GXYLT1: variants seen among roughly 807,000 people sequenced by gnomAD.
GXYLT1 encodes the protein glycosyltransferase 8 domain containing 3.
GXYLT1 carries 29 observed loss-of-function variants against 54.0 expected under a neutral mutation model. The ratio of observed to expected loss-of-function variants is 0.54; its 90% CI spans 0.40 to 0.73. The LOEUF (loss-of-function observed/expected upper bound fraction) is 0.73. Ranked by LOEUF, GXYLT1 falls within the 30% of genes least tolerant of loss-of-function variation. The probability of loss-of-function intolerance (pLI) is 0.00; values close to 1 mark genes in which losing one functional copy is unlikely to be tolerated. For missense variants in GXYLT1, 490 were observed against 553.4 expected, an observed-to-expected ratio of 0.89 and a Z score of 1.15; for synonymous variants, 176 against 204.1, an observed-to-expected ratio of 0.86 and a Z score of 1.17.
rs2065403359 is a variant in GXYLT1 at position 42,103,765 on chromosome 12, T to A, written c.864+2053A>T. On this transcript the variant is annotated intron_variant, in intron 5 of 7. Coordinates refer to ENST00000398675, the MANE Select transcript of GXYLT1 (RefSeq NM_173601.2). ...ACCTGCCAAATTAACATACAACCAA[T>A]CATCTTGTGTTTTTTTTCACAGTCA... Among the ~76,000 whole-genome samples, 4 of 152,000 alleles carry A rather than the reference T, an allele frequency of 2.6e-5. No individual in the cohort carries two copies. In the South Asian group the frequency reaches 8.3e-4, roughly 32 times the overall value.
chr12:42,139,275 A>G (rs1361110493), intron 1 of GXYLT1, among the ~76,000 whole-genome samples: 4 of 152,208 alleles, frequency 2.6e-5, no homozygotes, highest in Non-Finnish European at 4.4e-5. Context: ...CTCCTCCAAA[A>G]GCACAGAATA....
In GXYLT1 at chr12:42,083,086, T is replaced by C. The variant is rs1055585896; in HGVS notation, c.*4700A>G. ...AAATATTTTCTATTTAAGTCTGACA[T>C]TGATTTGCAATCCATTTTAAACTGT... On this transcript the variant is annotated 3_prime_UTR_variant, in exon 8 of 8. Coordinates refer to ENST00000398675, the MANE Select transcript of GXYLT1 (RefSeq NM_173601.2). 26 of 152,348 alleles carry C rather than the reference T, an allele frequency of 1.7e-4. No individual in the cohort carries two copies. Among genetic ancestry groups the C allele is most frequent in the Admixed American group, 9.2e-4 (14 of 15,296 alleles). The allele number at this position is 152,348 out of a possible 1,614,324, so 9.4% of individuals were successfully genotyped here.
intron 1 of GXYLT1, among the ~76,000 whole-genome samples, chr12:42,140,376 C>T (rs1592129996): frequency 1.3e-5 from 2 of 151,640 alleles, no homozygotes; most frequent in Non-Finnish European, 2.9e-5. Context: ...AGAATTTTTC[C>T]CAGAGGTCAG....
At chr12:42,090,739 T>C (rs546475893) in intron 7 of GXYLT1, among the ~76,000 whole-genome samples, 1 of 152,298 alleles carries the variant, frequency 6.6e-6, no homozygotes, top group African/African-American at 2.4e-5. Flanking sequence ...AGGAAAACAT[T>C]CAAGACTGCT....
rs147271166 is a variant in GXYLT1 at position 42,097,030 on chromosome 12, A to C, written c.1161+412T>G. On this transcript the variant is annotated intron_variant, in intron 7 of 7. Transcript: ENST00000398675. ...TGTCCAAATATGCCAATGTCATATA[A>C]GACAAAGACTGAGAAACTGTTCTAG... Among the ~76,000 whole-genome samples, 416 of 152,304 alleles carry C rather than the reference A, an allele frequency of 2.7e-3. 2 individuals carry two copies. Among genetic ancestry groups the C allele is most frequent in the African/African-American group, 9.8e-3 (406 of 41,570 alleles).
chr12:42,113,115 A>G (rs2065469366), intron 3 of GXYLT1, among the ~76,000 whole-genome samples: 1 of 151,190 alleles, frequency 6.6e-6, no homozygotes, highest in Admixed American at 6.6e-5. Context: ...CTGCCCTAAA[A>G]GAGCTCCTGA....
intron 1 of GXYLT1, among the ~76,000 whole-genome samples, chr12:42,142,376 ACCC>A (rs1032076094): frequency 6.7e-5 from 10 of 149,278 alleles, no homozygotes; most frequent in Non-Finnish European, 1.5e-4. Flanking sequence ...TTGCTCTGTC[ACCC>A]AGGTTGGATT....
intron 3 of GXYLT1, among the ~76,000 whole-genome samples, chr12:42,115,283 C>T (rs1831821083): frequency 1.3e-5 from 2 of 152,164 alleles, no homozygotes; most frequent in South Asian, 2.1e-4. Flanking sequence ...CTGGCCAGGG[C>T]AATCAGGCAG....
intron 1 of GXYLT1, 21 bp downstream of exon 1, chr12:42,144,405 C>G: frequency 2.2e-6 from 3 of 1,350,198 alleles, no homozygotes; most frequent in Non-Finnish European, 1.9e-6. Context: ...CCGCGTCCCC[C>G]ACACCGGGAA....
At chr12:42,115,829 C>T (rs185689764) in intron 3 of GXYLT1, among the ~76,000 whole-genome samples, 6 of 146,368 alleles carry the variant, frequency 4.1e-5, no homozygotes, top group Non-Finnish European at 9.1e-5. Flanking sequence ...CAAGTCAATG[C>T]TAAGCCAAAA....
In GXYLT1 at chr12:42,084,360, C is replaced by G. The variant is rs560608145; in HGVS notation, c.*3426G>C. On this transcript the variant is annotated 3_prime_UTR_variant, in exon 8 of 8. Coordinates refer to ENST00000398675, the MANE Select transcript of GXYLT1 (RefSeq NM_173601.2). ...ACATCATTCTTTTCTTCTCTACTTT[C>G]TCTTCCTGAAAAACTCTTCCTTACA... 2.6e-5 allele frequency: 4 copies of G among 152,486 alleles called. No individual in the cohort carries two copies. The highest frequency in any genetic ancestry group is 9.6e-5 in the African/African-American group (4 of 41,604). 9.4% of individuals were successfully genotyped at this position (152,486 alleles called of 1,614,324 possible). A position where few individuals can be genotyped will look rare whatever the true frequency, so the allele number is the denominator to read the frequency against.
intron 2 of GXYLT1, among the ~76,000 whole-genome samples, chr12:42,126,816 G>T (rs1001461692): frequency 3.3e-5 from 5 of 151,006 alleles, no homozygotes; most frequent in Non-Finnish European, 7.4e-5. Flanking sequence ...GGAGGCAGCG[G>T]TTGCAGTGAG....
At chr12:42,109,226 G>A (rs923952250) in intron 4 of GXYLT1, among the ~76,000 whole-genome samples, 1 of 152,064 alleles carries the variant, frequency 6.6e-6, no homozygotes, top group Non-Finnish European at 1.5e-5. Context: ...AGGTGATAAC[G>A]CCACCGCATT....
At chr12:42,112,002 C>T (rs995262520) in intron 3 of GXYLT1, among the ~76,000 whole-genome samples, 2 of 152,232 alleles carry the variant, frequency 1.3e-5, no homozygotes, top group African/African-American at 4.8e-5. Context: ...TCTGCAGCCA[C>T]TGCTGCTGAT....
intron 1 of GXYLT1, among the ~76,000 whole-genome samples, chr12:42,137,462 C>T (rs530880469): frequency 7.2e-5 from 10 of 138,084 alleles, no homozygotes; most frequent in African/African-American, 2.7e-4. Flanking sequence ...GAGCTGAGAT[C>T]GCGTCATTGC....
chr12:42,082,362 T>C lies in GXYLT1; in HGVS notation c.*5424A>G, dbSNP rs1451863866. 2 of 152,220 alleles carry C rather than the reference T, an allele frequency of 1.3e-5. No individual in the cohort carries two copies. Among genetic ancestry groups the C allele is most frequent in the Non-Finnish European group, 2.9e-5 (2 of 68,044 alleles). 9.4% of individuals were successfully genotyped at this position (152,220 alleles called of 1,614,324 possible). A position where few individuals can be genotyped will look rare whatever the true frequency, so the allele number is the denominator to read the frequency against. On this transcript the variant is annotated 3_prime_UTR_variant, in exon 8 of 8. Coordinates refer to ENST00000398675, the MANE Select transcript of GXYLT1 (RefSeq NM_173601.2). ...TCTGCTAAGTTTTGAACAGATAACA[T>C]ATTCTACAGCAATGCTCAAGCCCTG...
At chr12:42,126,936 A>G (rs1448241364) in intron 2 of GXYLT1, among the ~76,000 whole-genome samples, 1 of 152,110 alleles carries the variant, frequency 6.6e-6, no homozygotes, top group African/African-American at 2.4e-5. Context: ...CAACTATGTA[A>G]AAGCATATGA....
chr12:42,128,788 G>A (rs929799539), intron 2 of GXYLT1, among the ~76,000 whole-genome samples: 1 of 151,882 alleles, frequency 6.6e-6, no homozygotes, highest in South Asian at 2.1e-4. Context: ...CAACCTCCAC[G>A]GCTCAAGCAA....
rs199726389 is a variant in GXYLT1 at position 42,097,595 on chromosome 12, C to A, written c.1008G>T (p.Pro336=). 89 of 1,601,324 alleles carry A rather than the reference C, an allele frequency of 5.6e-5. No individual in the cohort carries two copies. The South Asian group carries it at 8.6e-4, about 16-fold the overall frequency. ...FHNPESLFVF[P]CQWNYRPDHC... ...GATCTGGTCGATAATTCCATTGACA[C>A]GGAAAAACAAAAAGGCTTTCTACAT... is the stretch of plus-strand genomic sequence containing the variant. The change falls in exon 7 of 8, where the codon CCG becomes CCT. Residue 336 remains proline, a synonymous_variant. Transcript: ENST00000398675.
Sources: allele counts gnomAD v4.1 joint callset (sites outside exome capture counted in the v4.1 genomes callset), GRCh38; gene constraint gnomAD v4.1.1; transcripts MANE v1.5; gene names NCBI Gene and HGNC (gene_info 2026-07-23, HGNC 2026-07-21).